CAPZB: variants seen among roughly 807,000 people sequenced by gnomAD.
The protein encoded by CAPZB is F-actin-capping protein subunit beta.
CAPZB carries 2 observed loss-of-function variants against 38.1 expected under a neutral mutation model. The ratio of observed to expected loss-of-function variants is 0.05; its 90% CI spans 0.02 to 0.17. CAPZB has a LOEUF of 0.17. Ranked by LOEUF, CAPZB falls within the 10% of genes least tolerant of loss-of-function variation. The pLI, the probability that CAPZB is intolerant of heterozygous loss-of-function variation, is 1.00. For missense variants in CAPZB, 161 were observed against 334.2 expected, an observed-to-expected ratio of 0.48 and a Z score of 4.04; for synonymous variants, 107 against 127.4, an observed-to-expected ratio of 0.84 and a Z score of 1.08.
chr1:19,400,295 G>A (rs2094296276), intron 2 of CAPZB, among the ~76,000 whole-genome samples: 1 of 152,162 alleles, frequency 6.6e-6, no homozygotes, highest in South Asian at 2.1e-4. Flanking sequence ...GGTGATGATG[G>A]AGAGGAGAAA....
chr1:19,419,824 T>A, intron 1 of CAPZB, 74 bp from the exon 2 acceptor site: 1 of 920,772 alleles, frequency 1.1e-6, no homozygotes, highest in Non-Finnish European at 1.7e-6. Context: ...TTAAAAAGCA[T>A]GCTTGCCCAA....
chr1:19,368,698 C>G (rs1025085878), intron 4 of CAPZB, among the ~76,000 whole-genome samples: 86 of 146,752 alleles, frequency 5.9e-4, no homozygotes, highest in African/African-American at 2.2e-3. Context: ...CATGGGGTCT[C>G]TCTCTGTCAC....
At chr1:19,454,773 G>C (rs1289235954) in intron 1 of CAPZB, among the ~76,000 whole-genome samples, 1 of 152,210 alleles carries the variant, frequency 6.6e-6, no homozygotes, top group Non-Finnish European at 1.5e-5. Context: ...CTCATTCAAG[G>C]AGTAGAGCTT....
intron 2 of CAPZB, among the ~76,000 whole-genome samples, chr1:19,392,179 TCTCAAGGTAAAAAAAAAAA>T (rs79427470): frequency 1.7e-4 from 26 of 148,674 alleles, no homozygotes; most frequent in Admixed American, 4.7e-4. Context: ...AGAGACTCTG[TCTCAAGGTAAAAAAAAAAA>T]AAAAAAAAGA....
At chr1:19,443,002 C>T (rs769335768) in intron 1 of CAPZB, among the ~76,000 whole-genome samples, 49 of 152,146 alleles carry the variant, frequency 3.2e-4, no homozygotes, top group Admixed American at 2.3e-3. Flanking sequence ...CTATCACTGA[C>T]TTCATACCCT....
At chr1:19,466,614 C>T (rs1353660691) in intron 1 of CAPZB, among the ~76,000 whole-genome samples, 3 of 152,080 alleles carry the variant, frequency 2.0e-5, no homozygotes, top group South Asian at 2.1e-4. Context: ...CATGGGGGAT[C>T]GGGAATAGTT....
intron 2 of CAPZB, among the ~76,000 whole-genome samples, chr1:19,386,209 G>T (rs919696639): frequency 6.6e-6 from 1 of 152,202 alleles, no homozygotes; most frequent in Non-Finnish European, 1.5e-5. Context: ...CCTCCGGCTG[G>T]CCTGCCAGGG....
chr1:19,379,012 G>A (rs1325766669), intron 3 of CAPZB, among the ~76,000 whole-genome samples: 1 of 152,112 alleles, frequency 6.6e-6, no homozygotes, highest in Non-Finnish European at 1.5e-5. Flanking sequence ...CCAGCCCAGA[G>A]CTTGCCAGAC....
chr1:19,401,814 A>G (rs542123196), intron 2 of CAPZB, among the ~76,000 whole-genome samples: 26 of 152,112 alleles, frequency 1.7e-4, no homozygotes, highest in Admixed American at 7.8e-4. Flanking sequence ...CTATAATAAC[A>G]TAAGAAAGTG....
intron 6 of CAPZB, among the ~76,000 whole-genome samples, chr1:19,349,570 T>C (rs1019695031): frequency 3.3e-5 from 5 of 152,300 alleles, no homozygotes. Flanking sequence ...TTGGTTACCA[T>C]CTTTGTGTTT....
intron 4 of CAPZB, among the ~76,000 whole-genome samples, chr1:19,372,866 G>A (rs955469589): frequency 2.0e-5 from 3 of 152,160 alleles, no homozygotes; most frequent in Non-Finnish European, 4.4e-5. Flanking sequence ...GCTTGGTAGA[G>A]AGAATAGCCT....
chr1:19,455,164 C>T (rs991215050), intron 1 of CAPZB, among the ~76,000 whole-genome samples: 18 of 152,286 alleles, frequency 1.2e-4, no homozygotes, highest in East Asian at 3.9e-4. Flanking sequence ...CCTCCCGTCC[C>T]GGGAGCAGGC....
rs544402625 is a variant in CAPZB at position 19,346,576 on chromosome 1, G to C, written c.589-1324C>G. Among the ~76,000 whole-genome samples, 6 of 152,050 alleles carry C rather than the reference G, an allele frequency of 3.9e-5. No homozygotes were observed. In the South Asian group the frequency reaches 1.2e-3, roughly 32 times the overall value. ...AACCAGGAGAACAGGGTGGAGTCTG[G>C]GGGGAGATACTGTCTCAGAGGGTAC... On this transcript the variant is annotated intron_variant, in intron 6 of 8. Transcript: ENST00000264202.
chr1:19,367,599 G>A (rs2094096505), intron 4 of CAPZB, among the ~76,000 whole-genome samples: 1 of 152,170 alleles, frequency 6.6e-6, no homozygotes, highest in Non-Finnish European at 1.5e-5. Flanking sequence ...TTTCACCATG[G>A]TTTAGGGAAC....
intron 1 of CAPZB, among the ~76,000 whole-genome samples, chr1:19,461,422 G>A (rs961176472): frequency 1.3e-5 from 2 of 152,198 alleles, no homozygotes; most frequent in South Asian, 2.1e-4. Context: ...TGGCTGAGGC[G>A]GAGCTTCACC....
intron 1 of CAPZB, among the ~76,000 whole-genome samples, chr1:19,427,232 GC>G (rs766125420): frequency 2.6e-5 from 4 of 152,156 alleles, no homozygotes; most frequent in Non-Finnish European, 5.9e-5. Flanking sequence ...GTCCTGCTTG[GC>G]CTGCTGTAGT....
intron 8 of CAPZB, among the ~76,000 whole-genome samples, chr1:19,340,318 T>C (rs772123286): frequency 2.0e-4 from 30 of 152,166 alleles, no homozygotes; most frequent in Non-Finnish European, 3.2e-4. Context: ...TCAGCCCGGA[T>C]TGCAAAGGGC....
intron 2 of CAPZB, among the ~76,000 whole-genome samples, chr1:19,405,854 A>G (rs951248785): frequency 2.6e-5 from 4 of 152,216 alleles, no homozygotes; most frequent in East Asian, 1.9e-4. Flanking sequence ...GAAGGTTTCA[A>G]TTACATAAAA....
chr1:19,356,528 T>C lies in CAPZB; in HGVS notation c.588+107A>G, dbSNP rs910869435. On this transcript the variant is annotated intron_variant, in intron 6 of 8. Coordinates refer to ENST00000264202, the MANE Select transcript of CAPZB (RefSeq NM_004930.5). This position sits in a 1 kb window ranked among gnomAD's most constrained non-coding sequence, Gnocchi z 4.3. Reference sequence around the variant, plus strand: ...CTTAGATGGTGGATTTATAGCTGGCTGAACATGCTTACCCTAAATGGGGCA... The same window carrying C: ...CTTAGATGGTGGATTTATAGCTGGCCGAACATGCTTACCCTAAATGGGGCA... 3.8e-6 allele frequency: 3 copies of C among 788,402 alleles called. No homozygotes were observed. The African/African-American group carries it at 5.1e-5, about 13-fold the overall frequency. 48.8% of individuals were successfully genotyped at this position (788,402 alleles called of 1,614,324 possible).
Sources: gnomAD v4.1 joint callset for allele counts (sites outside exome capture counted in the v4.1 genomes callset) on GRCh38, gnomAD v4.1.1 for gene constraint, Gnocchi (gnomAD v3.1) non-coding constraint, MANE v1.5 for transcripts, NCBI Gene and HGNC (gene_info 2026-07-23, HGNC 2026-07-21) for gene names.